Variants in ATP2B1 observed in about 807,000 individuals in gnomAD.
The protein encoded by ATP2B1 is ATPase plasma membrane Ca2+ transporting 1.
A neutral mutation model predicts 124.2 loss-of-function variants in ATP2B1; 14 were observed. The observed-to-expected ratio is 0.11, with a 90% CI of 0.07 to 0.18. The LOEUF is 0.18. ATP2B1 is among the 10% of genes least tolerant of loss of function. The pLI is 1.00. For missense variants in ATP2B1, 763 were observed against 1,466.1 expected (o/e 0.52, Z 7.83); for synonymous variants, 449 against 492.4 (o/e 0.91, Z 1.17).
chr12:89,692,560 CAAAT>C (rs1890674760), intron 1 of ATP2B1, among the ~76,000 whole-genome samples: 1 of 152,096 alleles, frequency 6.6e-6, no homozygotes, highest in Non-Finnish European at 1.5e-5. Flanking sequence ...AAATTATTGT[CAAAT>C]AAAAATTACT....
At chr12:89,678,605 A>G (rs557668005) in intron 1 of ATP2B1, among the ~76,000 whole-genome samples, 6 of 152,320 alleles carry the variant, frequency 3.9e-5, no homozygotes, top group African/African-American at 1.2e-4. Context: ...CTTCAAGACT[A>G]AGGATATGCC....
At chr12:89,695,535 C>G (rs962813495) in intron 1 of ATP2B1, among the ~76,000 whole-genome samples, 2 of 151,672 alleles carry the variant, frequency 1.3e-5, no homozygotes, top group Non-Finnish European at 2.9e-5. Context: ...TTTAAATTTC[C>G]CTAGTTTTAC....
intron 9 of ATP2B1, among the ~76,000 whole-genome samples, chr12:89,623,526 A>T (rs1880339727): frequency 6.6e-6 from 1 of 152,230 alleles, no homozygotes; most frequent in South Asian, 2.1e-4. Context: ...GCTACTGTAA[A>T]TCAAGTGGTC....
At chr12:89,619,618 TAAAA>T (rs367554417) in intron 11 of ATP2B1, among the ~76,000 whole-genome samples, 2 of 123,134 alleles carry the variant, frequency 1.6e-5, no homozygotes, top group African/African-American at 6.5e-5. Context: ...CTTAAACAAA[TAAAA>T]AAAAAAAAAA....
At position 89,610,440 on chromosome 12, in the gene ATP2B1, A is replaced by G. The variant is rs1455094034; in HGVS notation, c.2316T>C (p.Asp772=). ...LRVLARSSPT[D]KHTLVKGIID... is the part of the protein sequence containing the mutation. ...ACTTACCTTTAACCAGTGTATGCTT[A>G]TCAGTAGGAGATGATCTTGCAAGTA... is the stretch of plus-strand genomic sequence containing the variant. Residue 772 remains aspartate (D), a synonymous_variant, in exon 14 of 21, where the codon GAT becomes GAC. Transcript: ENST00000428670. The G allele has an allele frequency of 3.7e-6, 6 of 1,613,654 alleles. No individual in the cohort carries two copies. The African/African-American group carries it at 4.0e-5, about 11-fold the overall frequency.
At chr12:89,697,040 G>T (rs1593005785) in intron 1 of ATP2B1, among the ~76,000 whole-genome samples, 1 of 127,160 alleles carries the variant, frequency 7.9e-6, no homozygotes, top group African/African-American at 3.0e-5. Flanking sequence ...AATGACTGCT[G>T]TTTTCCCGAG....
chr12:89,641,390 T>A (rs1210138100), intron 3 of ATP2B1, among the ~76,000 whole-genome samples: 4 of 152,210 alleles, frequency 2.6e-5, no homozygotes, highest in African/African-American at 9.6e-5. Context: ...AATGTTTTAA[T>A]TTTTTCAGAT....
At chr12:89,632,249 T>C (rs1267823676) in intron 5 of ATP2B1, among the ~76,000 whole-genome samples, 1 of 152,194 alleles carries the variant, frequency 6.6e-6, no homozygotes, top group Non-Finnish European at 1.5e-5. Flanking sequence ...ACCAAGTTGA[T>C]GCTCAAGGAT....
Position 89,603,739 on chromosome 12 carries a change from C to T in ATP2B1, c.2821G>A (p.Val941Ile). The change falls in exon 17 of 21, where the codon GTA becomes ATA. Residue 941 changes from valine to isoleucine, a missense_variant. Val to Ile is a conservative substitution (Grantham distance 29). Coordinates refer to ENST00000428670, the MANE Select transcript of ATP2B1 (RefSeq NM_001366521.1). This position sits in a 1 kb window ranked among gnomAD's most constrained non-coding sequence, Gnocchi z 4.3. ...NILGHAFYQL[V>I]VVFTLLFAGE... ...GCAAATAAGAGTGTAAAGACTACTA[C>T]AAGTTGATAGAATGCATGACCCAAA... 6.2e-7 allele frequency: 1 copy of T among 1,613,968 alleles called. No individual in the cohort carries two copies. The highest frequency in any genetic ancestry group is 8.5e-7 in the Non-Finnish European group (1 of 1,179,868).
rs569756243 is a variant in ATP2B1, at chr12:89,627,535, C to T, written c.967+143G>A. 1.5e-5 allele frequency: 12 copies of T among 804,810 alleles called. No individual in the cohort carries two copies. In the South Asian group the frequency reaches 1.6e-4, roughly 11 times the overall value. 49.9% of individuals were successfully genotyped at this position (804,810 alleles called of 1,614,324 possible). ...AGTGACGACATGACTAAGACACCGGCAGGAAGAAAGGTTAACCCAAGCTAA... is the reference window on the plus strand; with the variant it reads ...AGTGACGACATGACTAAGACACCGGTAGGAAGAAAGGTTAACCCAAGCTAA... On this transcript the variant is annotated intron_variant, in intron 7 of 20. Transcript: ENST00000428670.
intron 1 of ATP2B1, among the ~76,000 whole-genome samples, chr12:89,701,275 T>C (rs1891823488): frequency 6.6e-6 from 1 of 152,220 alleles, no homozygotes; most frequent in Non-Finnish European, 1.5e-5. Context: ...TACTCCACCC[T>C]TTCCCATCAT....
chr12:89,601,898 T>C (rs1202593951), intron 18 of ATP2B1, among the ~76,000 whole-genome samples: 1 of 152,134 alleles, frequency 6.6e-6, no homozygotes, highest in Non-Finnish European at 1.5e-5. Flanking sequence ...TTAAAAAAAT[T>C]CCACATAGCT....
At chr12:89,644,707 GA>G (rs893572525) in intron 2 of ATP2B1, among the ~76,000 whole-genome samples, 2 of 150,558 alleles carry the variant, frequency 1.3e-5, no homozygotes, top group African/African-American at 4.9e-5. Context: ...CCAGCAAAAA[GA>G]AAAAAAAATG....
At chr12:89,701,766 C>A (rs1011305084) in intron 1 of ATP2B1, among the ~76,000 whole-genome samples, 1 of 152,144 alleles carries the variant, frequency 6.6e-6, no homozygotes, top group East Asian at 1.9e-4. Flanking sequence ...CAGGCAGCCT[C>A]GAACTCCTGG....
At chr12:89,703,000 A>G (rs1892036359) in intron 1 of ATP2B1, among the ~76,000 whole-genome samples, 1 of 152,216 alleles carries the variant, frequency 6.6e-6, no homozygotes, top group Admixed American at 6.5e-5. Context: ...TTAGATTACC[A>G]TAAGCTTTAG....
chr12:89,597,326 C>A (rs1874813387), intron 20 of ATP2B1, among the ~76,000 whole-genome samples: 1 of 152,066 alleles, frequency 6.6e-6, no homozygotes, highest in Non-Finnish European at 1.5e-5. Flanking sequence ...CTAGCTGTCC[C>A]TCTATGTAAA....
At chr12:89,597,352 T>C (rs1734991846) in intron 20 of ATP2B1, among the ~76,000 whole-genome samples, 1 of 152,172 alleles carries the variant, frequency 6.6e-6, no homozygotes, top group South Asian at 2.1e-4. Flanking sequence ...TATCTTAATG[T>C]TAGCGAGTCA....
Position 89,617,047 on chromosome 12 carries a change from G to T in ATP2B1, c.1830-8C>A. On this transcript the variant is annotated splice_region_variant and splice_polypyrimidine_tract_variant and intron_variant, in intron 11 of 20. Coordinates refer to ENST00000428670, the MANE Select transcript of ATP2B1 (RefSeq NM_001366521.1). ...CTCAAGATTTTGAAACACCTAAAAGGAAATGTTGAATCCAAACATCAATAA... is the reference window on the plus strand; with the variant it reads ...CTCAAGATTTTGAAACACCTAAAAGTAAATGTTGAATCCAAACATCAATAA... 1 of 1,595,566 alleles carries T rather than the reference G, an allele frequency of 6.3e-7. No homozygotes were observed. The highest frequency in any genetic ancestry group is 1.1e-5 in the South Asian group (1 of 90,640).
intron 10 of ATP2B1, among the ~76,000 whole-genome samples, chr12:89,621,268 A>G (rs1879916637): frequency 6.6e-6 from 1 of 152,146 alleles, no homozygotes; most frequent in East Asian, 1.9e-4. Context: ...TGAGCTTAAC[A>G]AGAATTTAAA....
Sources: allele counts gnomAD v4.1 joint callset (sites outside exome capture counted in the v4.1 genomes callset), GRCh38; gene constraint gnomAD v4.1.1; non-coding constraint Gnocchi (gnomAD v3.1); transcripts MANE v1.5; gene names NCBI Gene and HGNC (gene_info 2026-07-23, HGNC 2026-07-21).